The following VRK2 variants were observed in gnomAD, a reference collection of about 807,000 sequenced individuals.
VRK2 encodes VRK serine/threonine kinase 2.
In VRK2, 60 loss-of-function variants were observed where a neutral mutation model predicts 57.6. The ratio of observed to expected loss-of-function variants is 1.04; its 90% CI spans 0.85 to 1.29. The LOEUF is 1.29. VRK2 is among the 50% of genes most tolerant of loss of function. The probability of loss-of-function intolerance (pLI) is 0.00; values close to 1 mark genes in which losing one functional copy is unlikely to be tolerated. For missense variants in VRK2, 705 were observed against 588.1 expected (o/e 1.20, Z -2.06); for synonymous variants, 231 against 199.2 (o/e 1.16, Z -1.35).
At chr2:58,147,682 C>T (rs369588307) in intron 12 of VRK2, among the ~76,000 whole-genome samples, 11 of 151,840 alleles carry the variant, frequency 7.2e-5, no homozygotes, top group African/African-American at 2.7e-4. Flanking sequence ...CCTCTTCCCC[C>T]AGGGAATGTT....
At chr2:58,036,630 A>G (rs1674283014) in intron 3 of VRK2, among the ~76,000 whole-genome samples, 1 of 151,948 alleles carries the variant, frequency 6.6e-6, no homozygotes. Flanking sequence ...ACCAAAAAAA[A>G]TGTAGTTTAG....
intron 1 of VRK2, among the ~76,000 whole-genome samples, chr2:57,975,299 C>T (rs1672215472): frequency 2.0e-5 from 3 of 151,886 alleles, no homozygotes; most frequent in Admixed American, 2.0e-4. Flanking sequence ...AAATGCTAAA[C>T]AAAATCAGAC....
At chr2:58,013,785 G>T (rs1298975093) in intron 1 of VRK2, among the ~76,000 whole-genome samples, 1 of 143,778 alleles carries the variant, frequency 7.0e-6, no homozygotes, top group Non-Finnish European at 1.5e-5. Flanking sequence ...CGTGAACCCG[G>T]AAGGCGGAGC....
At chr2:57,934,764 C>CT (rs908506880) in intron 1 of VRK2, among the ~76,000 whole-genome samples, 2 of 151,862 alleles carry the variant, frequency 1.3e-5, no homozygotes, top group Non-Finnish European at 2.9e-5. Flanking sequence ...CCTTCTCATT[C>CT]TTTTTTTTCT....
intron 7 of VRK2, among the ~76,000 whole-genome samples, chr2:58,100,334 T>C (rs748442949): frequency 1.3e-5 from 2 of 152,018 alleles, no homozygotes; most frequent in African/African-American, 2.4e-5. Flanking sequence ...ATCACTTCTA[T>C]ATATAAACAA....
rs758190931 is a variant in VRK2 at position 58,159,535 on chromosome 2, G to A, written c.1369G>A (p.Val457Ile). The change falls in exon 13 of 13, where the codon GTC (valine) becomes ATC (isoleucine). Residue 457 changes from valine (V) to isoleucine (I), a missense_variant. Physicochemically the swap from Val to Ile is conservative, Grantham distance 29 (BLOSUM62 3). Transcript: ENST00000340157. ...ATCTTGGTATAAATACACTTCCACA[G>A]TCAGCACGGGGATCACAGACTTAGA... ...SPSWYKYTSTVSTGITDLESS... is the reference protein window; with the variant it reads ...SPSWYKYTSTISTGITDLESS... 1.2e-6 allele frequency: 2 copies of A among 1,613,624 alleles called. No homozygotes were observed. The highest frequency in any genetic ancestry group is 1.7e-5 in the Admixed American group (1 of 59,952).
At chr2:58,042,683 A>T (rs1321788965), upstream of VRK2, among the ~76,000 whole-genome samples, 1 of 152,236 alleles carries the variant, frequency 6.6e-6, no homozygotes, top group East Asian at 1.9e-4. Context: ...TGAAAAGCAG[A>T]ACGCATGCCA....
At chr2:58,039,165 C>T (rs1674366882) in intron 3 of VRK2, among the ~76,000 whole-genome samples, 2 of 152,126 alleles carry the variant, frequency 1.3e-5, no homozygotes, top group African/African-American at 4.8e-5. Flanking sequence ...CAACCTACAT[C>T]ATCCTGGCCA....
At chr2:58,116,485 G>T (rs2104446735) in intron 7 of VRK2, among the ~76,000 whole-genome samples, 1 of 152,176 alleles carries the variant, frequency 6.6e-6, no homozygotes, top group South Asian at 2.1e-4. Context: ...GTTTTAAGAG[G>T]TTTAGAAGCC....
intron 1 of VRK2, among the ~76,000 whole-genome samples, chr2:57,955,453 T>C (rs1443954840): frequency 6.6e-6 from 1 of 152,166 alleles, no homozygotes; most frequent in Non-Finnish European, 1.5e-5. Flanking sequence ...GGAATTACAT[T>C]AGAAAACATT....
At chr2:57,966,945 A>G (rs1339158229) in intron 1 of VRK2, among the ~76,000 whole-genome samples, 1 of 152,218 alleles carries the variant, frequency 6.6e-6, no homozygotes, top group East Asian at 1.9e-4. Context: ...GAGAAGGATC[A>G]GCATGTGATC....
At chr2:58,155,161 G>A (rs188222921) in intron 12 of VRK2, among the ~76,000 whole-genome samples, 1 of 152,232 alleles carries the variant, frequency 6.6e-6, no homozygotes, top group East Asian at 1.9e-4. Flanking sequence ...TGATGTTACT[G>A]ATTTATTTTA....
At chr2:57,977,494 T>C (rs1481625556) in intron 1 of VRK2, among the ~76,000 whole-genome samples, 1 of 152,004 alleles carries the variant, frequency 6.6e-6, no homozygotes, top group Non-Finnish European at 1.5e-5. Context: ...GTGAATGAGA[T>C]TGTGTTTTAG....
intron 1 of VRK2, among the ~76,000 whole-genome samples, chr2:57,941,016 AG>A (rs1170921373): frequency 1.3e-5 from 2 of 152,180 alleles, no homozygotes; most frequent in African/African-American, 4.8e-5. Flanking sequence ...CCTGAGAACA[AG>A]TACTGATTCT....
chr2:58,110,324 G>A (rs572531797), intron 7 of VRK2, among the ~76,000 whole-genome samples: 3 of 152,182 alleles, frequency 2.0e-5, no homozygotes, highest in African/African-American at 7.2e-5. Flanking sequence ...TATTTTAATA[G>A]GGCATAATAT....
intron 1 of VRK2, among the ~76,000 whole-genome samples, chr2:57,941,882 G>T (rs967775593): frequency 1.3e-5 from 2 of 152,104 alleles, no homozygotes; most frequent in African/African-American, 4.8e-5. Flanking sequence ...TTAATGTTAG[G>T]GCAAGTACAT....
At chr2:57,990,029 C>A (rs17049284) in intron 1 of VRK2, among the ~76,000 whole-genome samples, 11,753 of 152,236 alleles carry the variant, frequency 0.077, 546 homozygotes, top group African/African-American at 0.12. Context: ...TGCAAAGCCA[C>A]ACACAGAAAG....
chr2:57,986,031 G>C (rs1238137251), intron 1 of VRK2, among the ~76,000 whole-genome samples: 1 of 151,972 alleles, frequency 6.6e-6, no homozygotes, highest in Non-Finnish European at 1.5e-5. Context: ...TTAGATGTCC[G>C]CCTTTGTAAC....
rs372546385 is a variant in VRK2 at position 58,012,318 on chromosome 2, T to C, written c.-438-13347T>C. ...ATAAACTTGCTTTCACTTTATTCTA[T>C]GGACTCGCCCTGAATTCTTTCTTGC... On this transcript the variant is annotated intron_variant, in intron 1 of 15. Transcript: ENST00000417641. 3.7e-4 allele frequency among the ~76,000 whole-genome samples: 57 copies of C among 152,332 alleles called. No homozygotes were observed. The South Asian group carries it at 0.011, about 29-fold the overall frequency.
Sources: allele counts gnomAD v4.1 joint callset (sites outside exome capture counted in the v4.1 genomes callset), GRCh38; gene constraint gnomAD v4.1.1; transcripts MANE v1.5; gene names NCBI Gene and HGNC (gene_info 2026-07-23, HGNC 2026-07-21).